Variants in NOTO observed in about 807,000 individuals in gnomAD.
NOTO encodes the protein notochord homeobox.
Under a neutral mutation model 20.5 loss-of-function variants are expected in NOTO, and 19 were observed. The ratio of observed to expected loss-of-function variants is 0.93; its 90% confidence interval spans 0.65 to 1.36. The LOEUF (loss-of-function observed/expected upper bound fraction) is 1.36. Among genes scored for constraint, NOTO ranks in the 40% most tolerant of loss-of-function variants. NOTO has a pLI of 0.00. For missense variants in NOTO, 369 were observed against 336.2 expected, an observed-to-expected ratio of 1.10 and a Z score of -0.76; for synonymous variants, 150 against 150.2, an observed-to-expected ratio of 1.00 and a Z score of 0.01.
At chr2:73,208,271 T>C in intron 1 of NOTO, 129 bp from the exon 2 acceptor site, 1 of 631,912 alleles carries the variant, frequency 1.6e-6, no homozygotes, top group Non-Finnish European at 2.8e-6. Flanking sequence ...CACTGTTACC[T>C]GGCCAAGGGG....
intron 1 of NOTO, among the ~76,000 whole-genome samples, chr2:73,203,347 G>A (rs1050531900): frequency 1.3e-5 from 2 of 152,184 alleles, no homozygotes; most frequent in African/African-American, 4.8e-5. Flanking sequence ...GGGGCTGCAA[G>A]GGGACCCAGC....
chr2:73,206,370 C>T (rs188757666), intron 1 of NOTO, among the ~76,000 whole-genome samples: 4 of 152,106 alleles, frequency 2.6e-5, no homozygotes, highest in South Asian at 2.1e-4. Flanking sequence ...GTTGTTGAGA[C>T]GGGGTCTTAC....
chr2:73,208,410 G>C lies in NOTO; in HGVS notation c.393G>C (p.Leu131=). 6.4e-7 allele frequency: 1 copy of C among 1,551,278 alleles called. No homozygotes were observed. Among genetic ancestry groups the C allele is most frequent in the Non-Finnish European group, 8.7e-7 (1 of 1,146,672 alleles). ...CTGGTTGCTCTTTAGGGTTGGAGCT[G>C]GCTCACTGCTCAGGACTCTGGGCCT... The part of the protein sequence containing the change: ...LLGFGVTGLE[L]AHCSGLWAFP... The change falls in exon 2 of 3, where the codon CTG becomes CTC. Residue 131 remains leucine (L), a synonymous_variant. Transcript: ENST00000398468.
Position 73,211,915 on chromosome 2 carries a change from A to T in NOTO, c.*986A>T, listed in dbSNP as rs1686189949. On this transcript the variant is annotated 3_prime_UTR_variant, in exon 3 of 3. Coordinates refer to ENST00000398468, the MANE Select transcript of NOTO (RefSeq NM_001134462.2). ...GAGATGAAGACCAAATATATATTTC[A>T]TAATATCACAGCTCCCCTCACCTGG... 1.3e-5 allele frequency: 2 copies of T among 152,218 alleles called. No homozygotes were observed. The highest frequency in any genetic ancestry group is 4.8e-5 in the African/African-American group (2 of 41,454). The allele number at this position is 152,218 out of a possible 1,614,324, so 9.4% of individuals were successfully genotyped here. A position where few individuals can be genotyped will look rare whatever the true frequency, so the allele number is the denominator to read the frequency against.
At chr2:73,203,401 G>A (rs969557174) in intron 1 of NOTO, among the ~76,000 whole-genome samples, 2 of 152,086 alleles carry the variant, frequency 1.3e-5, no homozygotes, top group Non-Finnish European at 2.9e-5. Flanking sequence ...CGCACACCCC[G>A]GGGTAGCGCT....
chr2:73,202,717 T>A lies in NOTO; in HGVS notation c.51T>A (p.Ser17=). ...RGSPPPAPSG[S]RVRPPRSGRS... ...GCCCGCCACCCGCTCCCTCGGGCTC[T>A]CGGGTCCGACCTCCGCGCTCTGGCC... The change falls in exon 1 of 3, where the codon TCT becomes TCA. Residue 17 remains serine, a synonymous_variant. Coordinates refer to ENST00000398468, the MANE Select transcript of NOTO (RefSeq NM_001134462.2). 1 of 1,516,858 alleles carries A rather than the reference T, an allele frequency of 6.6e-7. No homozygotes were observed. Among genetic ancestry groups the A allele is most frequent in the Non-Finnish European group, 8.8e-7 (1 of 1,138,708 alleles). The allele number at this position is 1,516,858 out of a possible 1,614,324, so 94.0% of individuals were successfully genotyped here. A position where few individuals can be genotyped will look rare whatever the true frequency, so the allele number is the denominator to read the frequency against.
intron 1 of NOTO, among the ~76,000 whole-genome samples, chr2:73,205,157 T>C (rs1407516143): frequency 6.6e-6 from 1 of 152,184 alleles, no homozygotes; most frequent in Non-Finnish European, 1.5e-5. Context: ...TCTTGTATTT[T>C]GCCCATATGT....
At chr2:73,204,870 A>ATG (rs1686066089) in intron 1 of NOTO, among the ~76,000 whole-genome samples, 1 of 93,014 alleles carries the variant, frequency 1.1e-5, no homozygotes, top group Non-Finnish European at 1.9e-5. Context: ...TGCCCGGCTA[A>ATG]TTTTTTTTAT....
chr2:73,204,746 C>T (rs916060288), intron 1 of NOTO, among the ~76,000 whole-genome samples: 1 of 152,110 alleles, frequency 6.6e-6, no homozygotes, highest in African/African-American at 2.4e-5. Context: ...ACTCTGTCTC[C>T]CAGGCTGGAG....
At chr2:73,205,070 C>T (rs1161600668) in intron 1 of NOTO, among the ~76,000 whole-genome samples, 5 of 151,858 alleles carry the variant, frequency 3.3e-5, no homozygotes, top group Non-Finnish European at 5.9e-5. Flanking sequence ...TTAGTAGAGA[C>T]GGGGTTTCAC....
intron 1 of NOTO, among the ~76,000 whole-genome samples, chr2:73,206,857 C>A (rs1175816707): frequency 7.1e-6 from 1 of 141,560 alleles, no homozygotes; most frequent in Non-Finnish European, 1.5e-5. Flanking sequence ...TACAGTGGCA[C>A]AACCTTGGCT....
In NOTO at chr2:73,210,811, A is replaced by G. The variant is rs1366727323; in HGVS notation, c.638A>G (p.Lys213Arg). The G allele has an allele frequency of 6.4e-7, 1 of 1,551,670 alleles. No homozygotes were observed. The highest frequency in any genetic ancestry group is 1.4e-5 in the African/African-American group (1 of 73,194). ...WFQNRRVKYQKQQKLRAAVTS... is the reference protein window; with the variant it reads ...WFQNRRVKYQRQQKLRAAVTS... ...CAGAACCGCAGGGTCAAGTATCAGA[A>G]GCAGCAAAAGCTGAGGGCAGCAGTT... Residue 213 changes from lysine to arginine, a missense_variant, in exon 3 of 3, where the codon AAG becomes AGG. By Grantham distance (26) the Lys-to-Arg change is conservative (BLOSUM62 2). Transcript: ENST00000398468.
chr2:73,203,591 C>G (rs1686038930), intron 1 of NOTO, among the ~76,000 whole-genome samples: 1 of 152,232 alleles, frequency 6.6e-6, no homozygotes, highest in African/African-American at 2.4e-5. Flanking sequence ...TGAACTTGAG[C>G]TACACACTTC....
chr2:73,203,718 A>C (rs1387965022), intron 1 of NOTO, among the ~76,000 whole-genome samples: 1 of 152,204 alleles, frequency 6.6e-6, no homozygotes, highest in Non-Finnish European at 1.5e-5. Context: ...TAATTTCAGC[A>C]CTTTGGAAGA....
chr2:73,212,057 AAAG>A lies in NOTO; in HGVS notation c.*1133_*1135del, dbSNP rs1686191756. ...TTCACCATCAGAAGGAGTTGAGAGC[AAAG>A]AAGAGAAGGTAGACTGTTTAGCCCA... On this transcript the variant is annotated 3_prime_UTR_variant, in exon 3 of 3. Coordinates refer to ENST00000398468, the MANE Select transcript of NOTO (RefSeq NM_001134462.2). The A allele has an allele frequency of 6.6e-6, 1 of 152,260 alleles. No individual in the cohort carries two copies. Among genetic ancestry groups the A allele is most frequent in the Non-Finnish European group, 1.5e-5 (1 of 68,060 alleles). 9.4% of individuals were successfully genotyped at this position (152,260 alleles called of 1,614,324 possible).
intron 1 of NOTO, among the ~76,000 whole-genome samples, chr2:73,203,375 C>T (rs892689099): frequency 6.6e-6 from 1 of 152,050 alleles, no homozygotes; most frequent in African/African-American, 2.4e-5. Flanking sequence ...CCGGTCTCCG[C>T]GTCCCTTGAC....
At chr2:73,210,079 C>A (rs1686157078) in intron 2 of NOTO, among the ~76,000 whole-genome samples, 1 of 152,210 alleles carries the variant, frequency 6.6e-6, no homozygotes, top group Admixed American at 6.5e-5. Flanking sequence ...CTTCACACAG[C>A]AGCTAGGTGC....
chr2:73,202,661 C>A lies in NOTO; in HGVS notation c.-6C>A, dbSNP rs1381769657. The A allele has an allele frequency of 6.9e-7, 1 of 1,445,458 alleles. No homozygotes were observed. Among genetic ancestry groups the A allele is most frequent in the South Asian group, 1.4e-5 (1 of 71,946 alleles). 89.5% of individuals were successfully genotyped at this position (1,445,458 alleles called of 1,614,324 possible). ...TCCTTGCGTCCGTCCGGGCAACGGC[C>A]GCGTCATGCCTAGCCCCAGGCCGCG... On this transcript the variant is annotated 5_prime_UTR_variant, in exon 1 of 3. Coordinates refer to ENST00000398468, the MANE Select transcript of NOTO (RefSeq NM_001134462.2).
In NOTO at chr2:73,211,058, A is replaced by AC. The variant is rs967497525; in HGVS notation, c.*134dup. 2.2e-5 allele frequency: 15 copies of AC among 694,360 alleles called. No homozygotes were observed. In the African/African-American group the frequency reaches 2.4e-4, roughly 11 times the overall value. The allele number at this position is 694,360 out of a possible 1,614,324, so 43.0% of individuals were successfully genotyped here. A position where few individuals can be genotyped will look rare whatever the true frequency, so the allele number is the denominator to read the frequency against. ...GAAGAATCTGAGCTGTCAAGCAGGGACCCCCTTTTCTATACTGATTCCTGG... is the reference window on the plus strand; with the variant it reads ...GAAGAATCTGAGCTGTCAAGCAGGGACCCCCCTTTTCTATACTGATTCCTGG... On this transcript the variant is annotated 3_prime_UTR_variant, in exon 3 of 3. Transcript: ENST00000398468.
Sources: gnomAD v4.1 joint callset for allele counts (sites outside exome capture counted in the v4.1 genomes callset) on GRCh38, gnomAD v4.1.1 for gene constraint, MANE v1.5 for transcripts, NCBI Gene and HGNC (gene_info 2026-07-23, HGNC 2026-07-21) for gene names.